The following MUC5AC variants were observed in gnomAD, a reference collection of about 807,000 sequenced individuals.
MUC5AC encodes mucin-5AC.
In MUC5AC, 158 loss-of-function variants were observed where a neutral mutation model predicts 169.7. The observed-to-expected ratio is 0.93, with a 90% CI of 0.82 to 1.06. MUC5AC has a LOEUF of 1.06. Ranked by LOEUF, MUC5AC falls within the 50% of genes least tolerant of loss-of-function variation. MUC5AC has a pLI of 0.00. For missense variants in MUC5AC, 4,359 were observed against 3,089.9 expected (o/e 1.41, Z -9.74); for synonymous variants, 1,975 against 1,237.0 (o/e 1.60, Z -12.52).
chr11:1,175,732 GCACA>G (rs1288978247), intron 19 of MUC5AC, among the ~76,000 whole-genome samples: 1 of 110,126 alleles, frequency 9.1e-6, no homozygotes, highest in African/African-American at 3.5e-5. Flanking sequence ...ACCCACTCAT[GCACA>G]CACACCGTCA....
Position 1,189,717 on chromosome 11 carries a change from G to A in MUC5AC, c.11572G>A (p.Ala3858Thr). 1.6e-6 allele frequency: 1 copy of A among 639,862 alleles called. No homozygotes were observed. Among genetic ancestry groups the A allele is most frequent in the Non-Finnish European group, 2.8e-6 (1 of 353,058 alleles). 39.6% of individuals were successfully genotyped at this position (639,862 alleles called of 1,614,324 possible). A position where few individuals can be genotyped will look rare whatever the true frequency, so the allele number is the denominator to read the frequency against. ...CACTCCACAGACCAGCATATCCTCT[G>A]CCCCTACAAGCAGCACAACCTCTGC... ...TSTPQTSISS[A>T]PTSSTTSAPT... Residue 3858 changes from alanine to threonine, a missense_variant, in exon 31 of 49, where the codon GCC becomes ACC. By Grantham distance (58) the Ala-to-Thr change is moderately conservative. Transcript: ENST00000621226.
chr11:1,167,683 G>A (rs1860375598), intron 11 of MUC5AC, among the ~76,000 whole-genome samples, 194 bp from the exon 12 acceptor site: 1 of 152,154 alleles, frequency 6.6e-6, no homozygotes, highest in East Asian at 1.9e-4. Context: ...GCCTCCTCAG[G>A]GTGCATGCAG....
chr11:1,158,053 G>C lies in MUC5AC; in HGVS notation c.54G>C (p.Leu18=). The stretch of plus-strand genomic sequence containing the variant: ...TGCTCTGGGCCCTGGCTCTCGCTCT[G>C]GCCTGCACCCGGCATACAGGTACGG... ...LALLWALALA[L]ACTRHTGHAQ... is the part of the protein sequence containing the mutation. Residue 18 remains leucine (L), a synonymous_variant, in exon 1 of 49, where the codon CTG becomes CTC. Transcript: ENST00000621226. 6.2e-7 allele frequency: 1 copy of C among 1,608,498 alleles called. No individual in the cohort carries two copies. Among genetic ancestry groups the C allele is most frequent in the Non-Finnish European group, 8.5e-7 (1 of 1,178,548 alleles).
chr11:1,165,363 C>G lies in MUC5AC; in HGVS notation c.1191C>G (p.Val397=), dbSNP rs776201657. 2.5e-6 allele frequency: 4 copies of G among 1,612,352 alleles called. No individual in the cohort carries two copies. The Admixed American group carries it at 5.0e-5, about 20-fold the overall frequency. ...GCVPVSKCAC[V]YNGAAYAPGA... ...TCCCTGTGTCAAAGTGTGCCTGCGT[C>G]TACAACGGGGCTGCCTATGCCCCAG... Residue 397 remains valine (V), a synonymous_variant, in exon 10 of 49, where the codon GTC becomes GTG. Transcript: ENST00000621226.
intron 30 of MUC5AC, 68 bp from the exon 31 acceptor site, chr11:1,182,087 G>T (rs949012463): frequency 1.2e-5 from 3 of 252,202 alleles, no homozygotes; most frequent in Non-Finnish European, 1.9e-5. Flanking sequence ...TGACAGAGCC[G>T]CAGGGAGGGG....
rs1274088682 is a variant in MUC5AC, at chr11:1,173,597, CCACT to C, written c.1966-888_1966-885del. Among the ~76,000 whole-genome samples, 7 of 149,468 alleles carry C rather than the reference CCACT, an allele frequency of 4.7e-5. No individual in the cohort carries two copies. The South Asian group carries it at 8.6e-4, about 18-fold the overall frequency. ...TCCACTCACTCACCCACTCACTCAT[CCACT>C]CACTCACTCATCCACTCATTACTCA... On this transcript the variant is annotated intron_variant, in intron 16 of 48. Transcript: ENST00000621226.
At chr11:1,165,247 C>T (rs548802605) in intron 9 of MUC5AC, 55 bp from the exon 10 acceptor site, 166 of 1,500,836 alleles carry the variant, frequency 1.1e-4, no homozygotes, top group Middle Eastern at 4.5e-4. Flanking sequence ...TCCCCTGCAA[C>T]GCCCACTGCG....
intron 16 of MUC5AC, 100 bp downstream of exon 16, chr11:1,172,623 G>A (rs1860574740): frequency 2.5e-6 from 1 of 398,176 alleles, no homozygotes. Flanking sequence ...CAGCAGGCAG[G>A]ACTAACCTTT....
chr11:1,200,195 G>A (rs138878220), intron 48 of MUC5AC, among the ~76,000 whole-genome samples: 24 of 152,338 alleles, frequency 1.6e-4, no homozygotes, highest in Admixed American at 3.3e-4. Context: ...ACTGAGCTCC[G>A]CCAGGAACTT....
At chr11:1,163,417 C>T (rs529388190) in intron 6 of MUC5AC, among the ~76,000 whole-genome samples, 2 of 152,312 alleles carry the variant, frequency 1.3e-5, no homozygotes, top group Non-Finnish European at 1.5e-5. Flanking sequence ...TCCCTGCCTC[C>T]CCCTGCCAGG....
chr11:1,198,748 G>A (rs1162127662), intron 43 of MUC5AC, 126 bp from the exon 44 acceptor site: 5 of 634,280 alleles, frequency 7.9e-6, no homozygotes, highest in Admixed American at 2.3e-5. Context: ...GGTGCAACTC[G>A]GCCTGGTAGG....
chr11:1,162,035 G>A lies in MUC5AC; in HGVS notation c.340G>A (p.Ala114Thr), dbSNP rs755010292. The change falls in exon 4 of 49, where the codon GCC (alanine) becomes ACC (threonine). Residue 114 changes from alanine (A) to threonine (T), a missense_variant. Ala to Thr is a moderately conservative substitution (Grantham distance 58, BLOSUM62 0). Transcript: ENST00000621226. ...CGTGTTCTCCGAGCACTGCGGTGCC[G>A]CCTACGAGGATTTTAACATCCAGCT... ...NYVFSEHCGA[A>T]YEDFNIQLRR... 18 of 1,612,384 alleles carry A rather than the reference G, an allele frequency of 1.1e-5. No homozygotes were observed. Among genetic ancestry groups the A allele is most frequent in the African/African-American group, 8.0e-5 (6 of 74,916 alleles).
chr11:1,185,467 C>G lies in MUC5AC; in HGVS notation c.7322C>G (p.Thr2441Arg), dbSNP rs1487948280. 1.2e-5 allele frequency: 9 copies of G among 728,140 alleles called. No individual in the cohort carries two copies. The highest frequency in any genetic ancestry group is 7.6e-5 in the East Asian group (3 of 39,254). The allele number at this position is 728,140 out of a possible 1,614,324, so 45.1% of individuals were successfully genotyped here. A position where few individuals can be genotyped will look rare whatever the true frequency, so the allele number is the denominator to read the frequency against. The change falls in exon 31 of 49, where the codon ACA becomes AGA. Residue 2441 changes from threonine (T) to arginine (R), a missense_variant. By Grantham distance (71) the Thr-to-Arg change is moderately conservative. Transcript: ENST00000621226. ...CAGACCAGCACAACCTCGGCTCCTA[C>G]AACCAGCACAACTTCTGGTCCTGGA... ...SPQTSTTSAP[T>R]TSTTSGPGTT...
In MUC5AC at chr11:1,165,432, C is replaced by T; in HGVS notation, c.1247+13C>T. The T allele has an allele frequency of 6.8e-7, 1 of 1,465,158 alleles. No homozygotes were observed. Among genetic ancestry groups the T allele is most frequent in the African/African-American group, 2.9e-5 (1 of 34,966 alleles). The allele number at this position is 1,465,158 out of a possible 1,614,324, so 90.8% of individuals were successfully genotyped here. A position where few individuals can be genotyped will look rare whatever the true frequency, so the allele number is the denominator to read the frequency against. On this transcript the variant is annotated intron_variant, in intron 10 of 48. Transcript: ENST00000621226. Reference sequence around the variant, plus strand: ...ACTGCACCAACTGGTAGGTCCCAGCCCCCCTCCAGGCCACCAAGGATGTGC... The same window carrying T: ...ACTGCACCAACTGGTAGGTCCCAGCTCCCCTCCAGGCCACCAAGGATGTGC...
Position 1,164,108 on chromosome 11 carries a change from C to T in MUC5AC, c.792C>T (p.Gly264=), listed in dbSNP as rs761989411. Residue 264 remains glycine, a splice_region_variant and synonymous_variant, in exon 8 of 49, where the codon GGC becomes GGT. Coordinates refer to ENST00000621226, the MANE Select transcript of MUC5AC (RefSeq NM_001304359.2). The part of the protein sequence containing the change: ...EPPRNCSTGF[G]ICEELLHGQL... ...ACGGGCTGTGGCCTTTGTCCTAGGG[C>T]ATCTGTGAGGAGCTCCTGCACGGCC... is the stretch of plus-strand genomic sequence containing the variant. 2 of 1,612,098 alleles carry T rather than the reference C, an allele frequency of 1.2e-6. No homozygotes were observed. The highest frequency in any genetic ancestry group is 1.7e-6 in the Non-Finnish European group (2 of 1,179,800).
chr11:1,192,326 C>T lies in MUC5AC; in HGVS notation c.14181C>T (p.Thr4727=), dbSNP rs1419990396. Residue 4727 remains threonine (T), a synonymous_variant, in exon 31 of 49, where the codon ACC becomes ACT. Coordinates refer to ENST00000621226, the MANE Select transcript of MUC5AC (RefSeq NM_001304359.2). ...AGGTGCGCGTGCTCTGCTGCGAGAC[C>T]CCCAGAGGCTGCCCGGTGACCTCTG... ...NYEVRVLCCE[T]PRGCPVTSVT... 11 of 764,992 alleles carry T rather than the reference C, an allele frequency of 1.4e-5. No homozygotes were observed. The highest frequency in any genetic ancestry group is 4.8e-5 in the East Asian group (2 of 41,268). The allele number at this position is 764,992 out of a possible 1,614,324, so 47.4% of individuals were successfully genotyped here. A position where few individuals can be genotyped will look rare whatever the true frequency, so the allele number is the denominator to read the frequency against.
At chr11:1,192,559 G>T (rs751873320) in intron 31 of MUC5AC, 34 bp downstream of exon 31, 2 of 757,722 alleles carry the variant, frequency 2.6e-6, no homozygotes, top group East Asian at 4.9e-5. Context: ...TTGTTTCTGA[G>T]CTCACCCTGG....
At position 1,191,866 on chromosome 11, in the gene MUC5AC, C is replaced by A. The variant is rs746825050; in HGVS notation, c.13721C>A (p.Thr4574Asn). 5.2e-6 allele frequency: 4 copies of A among 762,966 alleles called. No homozygotes were observed. Among genetic ancestry groups the A allele is most frequent in the Non-Finnish European group, 9.6e-6 (4 of 417,366 alleles). The allele number at this position is 762,966 out of a possible 1,614,324, so 47.3% of individuals were successfully genotyped here. Reference protein sequence around the residue: ...GPGTTPSPVPTTSTTSAPTTS... With the variant: ...GPGTTPSPVPNTSTTSAPTTS... The stretch of plus-strand genomic sequence containing the variant: ...GGAACTACTCCCAGCCCTGTTCCCA[C>A]CACCAGCACAACCTCTGCTCCTACA... Residue 4574 changes from threonine (T) to asparagine (N), a missense_variant, in exon 31 of 49, where the codon ACC (threonine) becomes AAC (asparagine). By Grantham distance (65) the Thr-to-Asn change is moderately conservative (BLOSUM62 0). Coordinates refer to ENST00000621226, the MANE Select transcript of MUC5AC (RefSeq NM_001304359.2).
intron 15 of MUC5AC, among the ~76,000 whole-genome samples, chr11:1,171,362 CTCACCCACTCACCCAT>C (rs1860524354): frequency 1.5e-5 from 2 of 131,330 alleles, no homozygotes; most frequent in East Asian, 2.7e-4. Flanking sequence ...CACTCACCCA[CTCACCCACTCACCCAT>C]TCACTCACCC....
Sources: gnomAD v4.1 joint callset for allele counts (sites outside exome capture counted in the v4.1 genomes callset) on GRCh38, gnomAD v4.1.1 for gene constraint, MANE v1.5 for transcripts, NCBI Gene and HGNC (gene_info 2026-07-23, HGNC 2026-07-21) for gene names.